The following TPST1 variants were observed in gnomAD, a reference collection of about 807,000 sequenced individuals.
TPST1 encodes tyrosylprotein sulfotransferase 1, also known as protein-tyrosine sulfotransferase 1.
In TPST1, 20 loss-of-function variants were observed where a neutral mutation model predicts 34.8. The observed-to-expected ratio is 0.57, with a 90% CI of 0.40 to 0.84. The LOEUF (loss-of-function observed/expected upper bound fraction) is 0.84, where lower values mean the gene tolerates loss of function less well. Ranked by LOEUF, TPST1 falls within the 40% of genes least tolerant of loss-of-function variation. The probability of loss-of-function intolerance (pLI) is 0.00; values close to 1 mark genes in which losing one functional copy is unlikely to be tolerated. For synonymous variants in TPST1, 152 were observed against 159.4 expected (o/e 0.95, Z 0.35); for missense variants, 353 against 455.5 (o/e 0.78, Z 2.05).
chr7:66,206,312 A>G (rs1395687888), intron 1 of TPST1, among the ~76,000 whole-genome samples: 1 of 151,972 alleles, frequency 6.6e-6, no homozygotes, highest in African/African-American at 2.4e-5. Flanking sequence ...ACCCCATAAC[A>G]TGTAAAGTCC....
At position 66,332,948 on chromosome 7, in the gene TPST1, G is replaced by A. The variant is rs985311195; in HGVS notation, c.1045-19557G>A. The stretch of plus-strand genomic sequence containing the variant: ...AAGAGATGACTGTATAGGGGAGGCC[G>A]TGGTGACAGATGAAGTGGCACTGGG... On this transcript the variant is annotated intron_variant, in intron 3 of 5. Coordinates refer to ENST00000304842, the MANE Select transcript of TPST1 (RefSeq NM_003596.4). The surrounding 1 kb of genome is among the most constrained non-coding windows in gnomAD (Gnocchi z 4.5). 6.6e-6 allele frequency among the ~76,000 whole-genome samples: 1 copy of A among 152,124 alleles called. No homozygotes were observed. Among genetic ancestry groups the A allele is most frequent in the African/African-American group, 2.4e-5 (1 of 41,432 alleles).
At chr7:66,324,866 A>C (rs1339306808) in intron 3 of TPST1, among the ~76,000 whole-genome samples, 1 of 151,464 alleles carries the variant, frequency 6.6e-6, no homozygotes, top group Non-Finnish European at 1.5e-5. Flanking sequence ...TGTGGTTTAC[A>C]TAGAATGTTC....
At chr7:66,328,156 A>G (rs568573021) in intron 3 of TPST1, among the ~76,000 whole-genome samples, 1 of 150,564 alleles carries the variant, frequency 6.6e-6, no homozygotes, top group African/African-American at 2.4e-5. Flanking sequence ...CCTCCTGAGT[A>G]GCTGGGATTA....
chr7:66,317,801 A>G (rs1441721639), intron 3 of TPST1, among the ~76,000 whole-genome samples: 1 of 152,158 alleles, frequency 6.6e-6, no homozygotes, highest in African/African-American at 2.4e-5. Flanking sequence ...ATTTTAAAAA[A>G]ATTCCATGTT....
chr7:66,204,364 C>T (rs557469028), upstream of TPST1, among the ~76,000 whole-genome samples: 7 of 152,294 alleles, frequency 4.6e-5, no homozygotes, highest in Admixed American at 2.0e-4. Flanking sequence ...GACAGGCGTC[C>T]GCCACCATGC....
chr7:66,212,446 ATTTTCTTTTCTT>A (rs1351897044), intron 1 of TPST1, among the ~76,000 whole-genome samples: 1 of 129,188 alleles, frequency 7.7e-6, no homozygotes, highest in African/African-American at 3.1e-5. Context: ...ATATCAGTGT[ATTTTCTTTTCTT>A]TTTTCTTTTT....
intron 5 of TPST1, chr7:66,359,035 G>A (rs969472322): frequency 6.6e-6 from 1 of 152,280 alleles, no homozygotes; most frequent in Non-Finnish European, 1.5e-5. Flanking sequence ...TTCAATAACA[G>A]TATCTGTGTT....
intron 3 of TPST1, among the ~76,000 whole-genome samples, chr7:66,340,553 A>G (rs889812685): frequency 1.3e-5 from 2 of 152,250 alleles, no homozygotes; most frequent in African/African-American, 4.8e-5. Context: ...TTCATGATAC[A>G]AAATCAACAT....
chr7:66,218,807 A>G (rs957682399), intron 1 of TPST1, among the ~76,000 whole-genome samples: 2 of 151,848 alleles, frequency 1.3e-5, no homozygotes, highest in Admixed American at 6.6e-5. Flanking sequence ...CGATTGCACC[A>G]CTGCACTCCA....
chr7:66,245,970 G>A (rs984660019), intron 2 of TPST1, among the ~76,000 whole-genome samples: 4 of 151,816 alleles, frequency 2.6e-5, no homozygotes, highest in African/African-American at 7.3e-5. Context: ...CTTTGTGAAG[G>A]CACTGCCTAA....
intron 3 of TPST1, among the ~76,000 whole-genome samples, chr7:66,350,988 C>T (rs1392930149): frequency 6.6e-6 from 1 of 152,118 alleles, no homozygotes. Flanking sequence ...TTATCAATAA[C>T]TGATGTGTTC....
chr7:66,275,189 G>A (rs763308193), intron 2 of TPST1, among the ~76,000 whole-genome samples: 2 of 151,972 alleles, frequency 1.3e-5, no homozygotes, highest in Admixed American at 6.6e-5. Context: ...GCGAGACTCC[G>A]TCTCAAAGAA....
chr7:66,330,431 A>G (rs577131590), intron 3 of TPST1, among the ~76,000 whole-genome samples: 14 of 152,300 alleles, frequency 9.2e-5, no homozygotes, highest in Admixed American at 3.9e-4. Flanking sequence ...CTTTTAAACC[A>G]TCTTTCCCTC....
chr7:66,320,883 C>A (rs985860360), intron 3 of TPST1, among the ~76,000 whole-genome samples: 1 of 152,196 alleles, frequency 6.6e-6, no homozygotes, highest in African/African-American at 2.4e-5. Flanking sequence ...CAGTTGTGAG[C>A]CACCGTGCCC....
intron 3 of TPST1, 109 bp from the exon 4 acceptor site, chr7:66,352,396 T>C (rs1469967883): frequency 6.6e-7 from 1 of 1,525,936 alleles, no homozygotes; most frequent in East Asian, 2.3e-5. Context: ...CATTCTAAAC[T>C]CACCAGCAGT....
intron 3 of TPST1, among the ~76,000 whole-genome samples, chr7:66,333,504 C>T (rs182742174): frequency 6.6e-6 from 1 of 152,344 alleles, no homozygotes; most frequent in East Asian, 1.9e-4. Flanking sequence ...ATCTCTGTGT[C>T]ACTCAGGCTT....
At chr7:66,256,797 G>T (rs1308667101) in intron 2 of TPST1, among the ~76,000 whole-genome samples, 1 of 152,098 alleles carries the variant, frequency 6.6e-6, no homozygotes, top group African/African-American at 2.4e-5. Context: ...CTGCCCTGTG[G>T]CCCCCAATGA....
intron 3 of TPST1, among the ~76,000 whole-genome samples, chr7:66,336,028 C>A (rs192193428): frequency 6.6e-6 from 1 of 152,300 alleles, no homozygotes; most frequent in Admixed American, 6.5e-5. Context: ...TTCAGTGAAT[C>A]TGCCAGGCAT....
chr7:66,225,878 TTTG>T (rs1789644696), intron 1 of TPST1, among the ~76,000 whole-genome samples: 1 of 151,778 alleles, frequency 6.6e-6, no homozygotes, highest in Admixed American at 6.6e-5. Flanking sequence ...AGGTACCTGT[TTTG>T]TTTTTGTTTT....
Sources: allele counts gnomAD v4.1 joint callset (sites outside exome capture counted in the v4.1 genomes callset), GRCh38; gene constraint gnomAD v4.1.1; non-coding constraint Gnocchi (gnomAD v3.1); transcripts MANE v1.5; gene names NCBI Gene and HGNC (gene_info 2026-07-23, HGNC 2026-07-21).